RBKS: variants seen among roughly 807,000 people sequenced by gnomAD.
The protein encoded by RBKS is ribokinase.
A neutral mutation model predicts 33.9 loss-of-function variants in RBKS; 33 were observed. The observed-to-expected ratio is 0.97, with a 90% CI of 0.74 to 1.30. The LOEUF (loss-of-function observed/expected upper bound fraction) is 1.30, where lower values mean the gene tolerates loss of function less well. Ranked by LOEUF, RBKS falls within the 50% of genes most tolerant of loss-of-function variation. The probability of loss-of-function intolerance (pLI) is 0.00; values close to 1 mark genes in which losing one functional copy is unlikely to be tolerated. For missense variants in RBKS, 361 were observed against 392.6 expected (o/e 0.92, Z 0.68); for synonymous variants, 125 against 143.0 (o/e 0.87, Z 0.90).
rs760361232 is a variant in RBKS at position 27,810,164 on chromosome 2, T to C, written c.795+17403A>G. On this transcript the variant is annotated intron_variant, in intron 7 of 7. Coordinates refer to ENST00000302188, the MANE Select transcript of RBKS (RefSeq NM_022128.3). This position sits in a 1 kb window ranked among gnomAD's most constrained non-coding sequence, Gnocchi z 4.4. ...TTGGCTGGTGCACCTGGTATATTTG[T>C]CTACACAACCCAAATTCGTCATATA... The C allele has an allele frequency of 3.3e-6, 4 of 1,225,906 alleles. No individual in the cohort carries two copies. Among genetic ancestry groups the C allele is most frequent in the Non-Finnish European group, 4.2e-6 (4 of 944,118 alleles). The allele number at this position is 1,225,906 out of a possible 1,614,324, so 75.9% of individuals were successfully genotyped here.
intron 7 of RBKS, among the ~76,000 whole-genome samples, chr2:27,799,269 A>G (rs1444192140): frequency 1.3e-5 from 2 of 152,204 alleles, no homozygotes; most frequent in Non-Finnish European, 2.9e-5. Context: ...CCAAGGTAAG[A>G]TCTTGTCAGG....
chr2:27,876,270 A>T (rs1664313830), intron 1 of RBKS, among the ~76,000 whole-genome samples: 1 of 152,226 alleles, frequency 6.6e-6, no homozygotes. Flanking sequence ...CAAAATGTGT[A>T]ATGTACATAA....
Position 27,837,043 on chromosome 2 carries a change from C to T in RBKS, c.515-4266G>A, listed in dbSNP as rs1007094846. ...ATCCCAGCACTTTGGGCGGCCGAGG[C>T]AGGCAGATCACGAGGATCGGGAGAT... is the stretch of plus-strand genomic sequence containing the variant. On this transcript the variant is annotated intron_variant, in intron 5 of 7. Transcript: ENST00000302188. The surrounding 1 kb of genome is among the most constrained non-coding windows in gnomAD (Gnocchi z 4.0). Among the ~76,000 whole-genome samples, 1 of 152,114 alleles carries T rather than the reference C, an allele frequency of 6.6e-6. No homozygotes were observed. Among genetic ancestry groups the T allele is most frequent in the Non-Finnish European group, 1.5e-5 (1 of 68,026 alleles).
intron 7 of RBKS, among the ~76,000 whole-genome samples, chr2:27,801,792 T>C (rs1158816276): frequency 1.3e-5 from 2 of 151,108 alleles, no homozygotes; most frequent in African/African-American, 2.4e-5. Context: ...GGAGCAGGCA[T>C]GGCACATGGG....
intron 1 of RBKS, among the ~76,000 whole-genome samples, chr2:27,866,402 T>C (rs575817361): frequency 2.0e-5 from 3 of 152,214 alleles, no homozygotes; most frequent in Non-Finnish European, 4.4e-5. Flanking sequence ...ATGTAGTTTA[T>C]ATCATGCTCA....
chr2:27,872,968 C>A (rs551132794), intron 1 of RBKS, among the ~76,000 whole-genome samples: 1 of 152,058 alleles, frequency 6.6e-6, no homozygotes, highest in Non-Finnish European at 1.5e-5. Flanking sequence ...GTGCTATACT[C>A]GCAGAGAAAG....
At chr2:27,865,313 CCTT>C (rs1253486047) in intron 1 of RBKS, among the ~76,000 whole-genome samples, 2 of 151,742 alleles carry the variant, frequency 1.3e-5, no homozygotes, top group African/African-American at 4.9e-5. Context: ...GAGCGAGACT[CCTT>C]CTCAAACAAA....
intron 7 of RBKS, among the ~76,000 whole-genome samples, chr2:27,820,182 A>C (rs570228994): frequency 6.6e-6 from 1 of 152,354 alleles, no homozygotes; most frequent in East Asian, 1.9e-4. Context: ...ATTACAAAGT[A>C]ATACATGAAA....
In RBKS at chr2:27,847,052, G is replaced by A. The variant is rs138619161; in HGVS notation, c.339C>T (p.Val113=). Residue 113 remains valine, a synonymous_variant, in exon 4 of 8, where the codon GTC becomes GTT. Coordinates refer to ENST00000302188, the MANE Select transcript of RBKS (RefSeq NM_022128.3). ...ATGCAAAACACTTACCTTCATTATT[G>A]ACAATTATAGAAGCAGTTCCTGTAG... ...DAATGTASII[V]NNEGQNIIVI... 2.8e-5 allele frequency: 45 copies of A among 1,603,336 alleles called. No individual in the cohort carries two copies. In the African/African-American group the frequency reaches 5.5e-4, roughly 20 times the overall value.
At chr2:27,838,428 AC>A (rs1663362683) in intron 5 of RBKS, among the ~76,000 whole-genome samples, 1 of 152,226 alleles carries the variant, frequency 6.6e-6, no homozygotes, top group Non-Finnish European at 1.5e-5. Context: ...AAATTTAGGT[AC>A]CAATTGCTAG....
At chr2:27,801,725 C>T (rs1677787900) in intron 7 of RBKS, among the ~76,000 whole-genome samples, 1 of 151,622 alleles carries the variant, frequency 6.6e-6, no homozygotes, top group Non-Finnish European at 1.5e-5. Context: ...GTGCTGGCAC[C>T]TGCGTGGTTT....
chr2:27,851,834 C>T (rs4313931), intron 2 of RBKS, among the ~76,000 whole-genome samples: 40,200 of 152,016 alleles, frequency 0.26, 6,265 homozygotes, highest in East Asian at 0.63. Flanking sequence ...CCACCACACC[C>T]GGCTGTCATG....
At chr2:27,784,334 G>A (rs1025687379) in intron 7 of RBKS, among the ~76,000 whole-genome samples, 1 of 152,096 alleles carries the variant, frequency 6.6e-6, no homozygotes, top group African/African-American at 2.4e-5. Context: ...TAGACCTAAG[G>A]GCTTTCATAA....
chr2:27,802,456 A>G (rs991688932), intron 7 of RBKS, among the ~76,000 whole-genome samples: 5 of 144,558 alleles, frequency 3.5e-5, no homozygotes, highest in Non-Finnish European at 7.6e-5. Context: ...GTGTGTGTGT[A>G]TGTGTGTACG....
chr2:27,803,776 G>A (rs1166628430), intron 7 of RBKS, among the ~76,000 whole-genome samples: 1 of 151,978 alleles, frequency 6.6e-6, no homozygotes, highest in East Asian at 1.9e-4. Flanking sequence ...GCCAGGTGCG[G>A]TGACTCACGC....
intron 7 of RBKS, among the ~76,000 whole-genome samples, chr2:27,783,679 G>A (rs900854176): frequency 1.2e-4 from 18 of 152,010 alleles, no homozygotes; most frequent in Admixed American, 6.5e-4. Flanking sequence ...AGGCCGAGGC[G>A]GGCGGATCAC....
chr2:27,861,122 C>T lies in RBKS; in HGVS notation c.90-2551G>A, dbSNP rs558768973. On this transcript the variant is annotated intron_variant, in intron 1 of 7. Transcript: ENST00000302188. ...AGCTGGGATTACAGGGGTGCGCCAC[C>T]AGGCAAGGCTAATTTTTGTATTTTT... Among the ~76,000 whole-genome samples the T allele has an allele frequency of 1.7e-3, 254 of 152,256 alleles. 1 individual carries two copies. Among genetic ancestry groups the T allele is most frequent in the African/African-American group, 5.9e-3 (244 of 41,554 alleles).
intron 2 of RBKS, among the ~76,000 whole-genome samples, chr2:27,852,856 G>C (rs1663778125): frequency 6.6e-6 from 1 of 152,172 alleles, no homozygotes; most frequent in Non-Finnish European, 1.5e-5. Context: ...TCACTTTTCA[G>C]TGCCTGAGGG....
Position 27,827,616 on chromosome 2 carries a change from G to C in RBKS, c.746C>G (p.Pro249Arg). 6.2e-7 allele frequency: 1 copy of C among 1,610,100 alleles called. No individual in the cohort carries two copies. Among genetic ancestry groups the C allele is most frequent in the African/African-American group, 1.3e-5 (1 of 74,648 alleles). The change falls in exon 7 of 8, where the codon CCT (proline) becomes CGT (arginine). Residue 249 changes from proline (P) to arginine (R), a missense_variant. Physicochemically the swap from Pro to Arg is moderately radical, Grantham distance 103. Coordinates refer to ENST00000302188, the MANE Select transcript of RBKS (RefSeq NM_022128.3). Reference protein sequence around the residue: ...EGCVVLSQTEPEPKHIPTEKV... With the variant: ...EGCVVLSQTEREPKHIPTEKV... ...CTCTGTGGGAATGTGCTTTGGCTCA[G>C]GTTCTGTCTGTGACAGCACCACACA...
Sources: allele counts gnomAD v4.1 joint callset (sites outside exome capture counted in the v4.1 genomes callset), GRCh38; gene constraint gnomAD v4.1.1; non-coding constraint Gnocchi (gnomAD v3.1); transcripts MANE v1.5; gene names NCBI Gene and HGNC (gene_info 2026-07-23, HGNC 2026-07-21).